Variants in POMT1 observed in about 807,000 individuals in gnomAD.
POMT1 encodes the protein protein O-mannosyl-transferase 1.
POMT1 carries 85 observed loss-of-function variants against 101.6 expected under a neutral mutation model. The observed-to-expected ratio is 0.84, with a 90% confidence interval of 0.70 to 1.00. POMT1 has a LOEUF of 1.00. Ranked by LOEUF, POMT1 falls within the 50% of genes least tolerant of loss-of-function variation. The pLI is 0.00. For synonymous variants in POMT1, 371 were observed against 383.0 expected, an observed-to-expected ratio of 0.97 and a Z score of 0.37; for missense variants, 857 against 930.4, an observed-to-expected ratio of 0.92 and a Z score of 1.03.
In POMT1 at chr9:131,521,426, G is replaced by T; in HGVS notation, c.1779G>T (p.Leu593Phe). The T allele has an allele frequency of 6.2e-7, 1 of 1,614,146 alleles. No individual in the cohort carries two copies. The highest frequency in any genetic ancestry group is 1.1e-5 in the South Asian group (1 of 91,080). Reference sequence around the variant, plus strand: ...TGGCCATCTACGCCCTGCTGTCCTTGTGGTACCTGCTCCGACGGCGAAGAA... The same window carrying T: ...TGGCCATCTACGCCCTGCTGTCCTTTTGGTACCTGCTCCGACGGCGAAGAA... ...LALAIYALLSLWYLLRRRRNV... is the reference protein window; with the variant it reads ...LALAIYALLSFWYLLRRRRNV... The change falls in exon 18 of 20, where the codon TTG (leucine) becomes TTT (phenylalanine). Residue 593 changes from leucine to phenylalanine, a missense_variant. By Grantham distance (22) the Leu-to-Phe change is conservative. Transcript: ENST00000402686.
chr9:131,506,414 G>A lies in POMT1; in HGVS notation c.241G>A (p.Gly81Arg). 1.2e-6 allele frequency: 2 copies of A among 1,613,088 alleles called. No individual in the cohort carries two copies. The highest frequency in any genetic ancestry group is 1.1e-5 in the South Asian group (1 of 91,040). Residue 81 changes from glycine (G) to arginine (R), a missense_variant, in exon 4 of 20, where the codon GGA becomes AGA. Physicochemically the swap from Gly to Arg is moderately radical, Grantham distance 125 (BLOSUM62 -2). Coordinates refer to ENST00000402686, the MANE Select transcript of POMT1 (RefSeq NM_001077365.2). ...MVLALGGYLG[G>R]FDGNFLWNRI... The stretch of plus-strand genomic sequence containing the variant: ...ATCTTCTGTTTCAGGTTATTTAGGA[G>A]GATTCGATGGCAATTTTTTGTGGAA...
chr9:131,505,274 C>T (rs1405323302), intron 2 of POMT1, among the ~76,000 whole-genome samples: 3 of 147,514 alleles, frequency 2.0e-5, no homozygotes, highest in Non-Finnish European at 3.0e-5. Flanking sequence ...GATAATTCAG[C>T]GGTATATCTG....
chr9:131,518,224 A>G (rs1158250483), intron 13 of POMT1: 3 of 655,512 alleles, frequency 4.6e-6, no homozygotes, highest in Non-Finnish European at 8.6e-6. Flanking sequence ...GGCCTTGGCG[A>G]GGAGGAGGGT....
chr9:131,515,361 G>C, intron 12 of POMT1, 65 bp from the exon 13 acceptor site: 1 of 1,514,826 alleles, frequency 6.6e-7, no homozygotes, highest in Non-Finnish European at 9.2e-7. Flanking sequence ...CTGCCTGAAA[G>C]ATTTAGTAAT....
At chr9:131,518,127 C>T in intron 13 of POMT1, 1 of 411,768 alleles carries the variant, frequency 2.4e-6, no homozygotes, top group Non-Finnish European at 4.8e-6. Flanking sequence ...CACTTTTTGG[C>T]CAGGGCTCTG....
rs1406821999 is a variant in POMT1, at chr9:131,509,915, G to A, written c.618G>A (p.Met206Ile). 1 of 1,614,100 alleles carries A rather than the reference G, an allele frequency of 6.2e-7. No homozygotes were observed. Among genetic ancestry groups the A allele is most frequent in the Non-Finnish European group, 8.5e-7 (1 of 1,180,054 alleles). Reference sequence around the variant, plus strand: ...CATGTCTTTGCAGCATCAAGTACATGGGTGTGTTCACGTACGTGCTCGTGC... The same window carrying A: ...CATGTCTTTGCAGCATCAAGTACATAGGTGTGTTCACGTACGTGCTCGTGC... ...ACSCAVGIKYMGVFTYVLVLG... is the reference protein window; with the variant it reads ...ACSCAVGIKYIGVFTYVLVLG... Residue 206 changes from methionine (M) to isoleucine (I), a missense_variant, in exon 8 of 20, where the codon ATG becomes ATA. Coordinates refer to ENST00000402686, the MANE Select transcript of POMT1 (RefSeq NM_001077365.2).
intron 17 of POMT1, chr9:131,521,082 A>G: frequency 4.1e-6 from 2 of 486,622 alleles, no homozygotes; most frequent in Non-Finnish European, 3.8e-6. Flanking sequence ...ACTTCAGGTG[A>G]TCTGCCCACC....
At chr9:131,515,358 A>T in intron 12 of POMT1, 68 bp from the exon 13 acceptor site, 1 of 1,503,404 alleles carries the variant, frequency 6.7e-7, no homozygotes, top group Non-Finnish European at 9.3e-7. Context: ...TTCCTGCCTG[A>T]AAGATTTAGT....
At chr9:131,504,759 G>GTGTT (rs1187437828) in intron 2 of POMT1, among the ~76,000 whole-genome samples, 1 of 133,560 alleles carries the variant, frequency 7.5e-6, no homozygotes, top group Non-Finnish European at 1.6e-5. Context: ...GTGTGTATGT[G>GTGTT]TGTGTGTGTG....
At chr9:131,507,685 T>C (rs1946159170) in intron 5 of POMT1, among the ~76,000 whole-genome samples, 171 bp downstream of exon 5, 1 of 152,180 alleles carries the variant, frequency 6.6e-6, no homozygotes, top group Non-Finnish European at 1.5e-5. Flanking sequence ...GGTTATGGGA[T>C]TGCTGAATTG....
chr9:131,523,739 C>T lies in POMT1; in HGVS notation c.*633C>T, dbSNP rs551969463. On this transcript the variant is annotated 3_prime_UTR_variant, in exon 20 of 20. Coordinates refer to ENST00000402686, the MANE Select transcript of POMT1 (RefSeq NM_001077365.2). ...TTCCTCGTCAGTGGTCAAGGTGTGT[C>T]ATCCATACAGCTCCATGCCTTTGTC... The T allele has an allele frequency of 2.5e-5, 4 of 160,032 alleles. No individual in the cohort carries two copies. Among genetic ancestry groups the T allele is most frequent in the African/African-American group, 9.6e-5 (4 of 41,678 alleles). 9.9% of individuals were successfully genotyped at this position (160,032 alleles called of 1,614,324 possible).
Position 131,522,007 on chromosome 9 carries a change from G to T in POMT1, c.1826-40G>T. 6.2e-7 allele frequency: 1 copy of T among 1,612,664 alleles called. No homozygotes were observed. ...AAAGAGAGAGAAGACCCGGCCTGTG[G>T]GAGCAGCAGAGTCGGTGTAGCTCGA... On this transcript the variant is annotated intron_variant, in intron 18 of 19. Transcript: ENST00000402686. This position sits in a 1 kb window ranked among gnomAD's most constrained non-coding sequence, Gnocchi z 5.5.
chr9:131,519,831 G>A lies in POMT1; in HGVS notation c.1585-249G>A, dbSNP rs777382122. On this transcript the variant is annotated intron_variant, in intron 16 of 19. Coordinates refer to ENST00000402686, the MANE Select transcript of POMT1 (RefSeq NM_001077365.2). This position sits in a 1 kb window ranked among gnomAD's most constrained non-coding sequence, Gnocchi z 4.3. ...TCACAAATCTGAACGTGACCTTAGA[G>A]AGCATTCAGCCCAATCACTTCGTCT... Among the ~76,000 whole-genome samples, 3 of 152,144 alleles carry A rather than the reference G, an allele frequency of 2.0e-5. No individual in the cohort carries two copies. In the East Asian group the frequency reaches 5.8e-4, roughly 29 times the overall value.
chr9:131,521,393 C>T lies in POMT1; in HGVS notation c.1746C>T (p.Ser582=), dbSNP rs376373313. The T allele has an allele frequency of 1.6e-4, 258 of 1,614,068 alleles. No homozygotes were observed. Among genetic ancestry groups the T allele is most frequent in the Non-Finnish European group, 2.1e-4 (252 of 1,180,042 alleles). ...LGNIVIWVSG[S]LALAIYALLS... ...ACATAGTGATCTGGGTTTCGGGCAGCCTCGCTCTGGCCATCTACGCCCTGC... is the reference window on the plus strand; with the variant it reads ...ACATAGTGATCTGGGTTTCGGGCAGTCTCGCTCTGGCCATCTACGCCCTGC... The change falls in exon 18 of 20, where the codon AGC becomes AGT. Residue 582 remains serine (S), a synonymous_variant. Coordinates refer to ENST00000402686, the MANE Select transcript of POMT1 (RefSeq NM_001077365.2).
Position 131,506,007 on chromosome 9 carries a change from C to G in POMT1, c.123-107C>G. 6 of 1,455,168 alleles carry G rather than the reference C, an allele frequency of 4.1e-6. No individual in the cohort carries two copies. The South Asian group carries it at 5.9e-5, about 14-fold the overall frequency. 90.1% of individuals were successfully genotyped at this position (1,455,168 alleles called of 1,614,324 possible). On this transcript the variant is annotated intron_variant, in intron 2 of 19. Transcript: ENST00000402686. ...GGCAAAAGATCCAGCCTTTGCTGAT[C>G]ACTCACTCAAAGTCATTTGGAAACA...
chr9:131,518,025 G>A (rs986733229), intron 13 of POMT1, among the ~76,000 whole-genome samples: 6 of 152,238 alleles, frequency 3.9e-5, no homozygotes, highest in Non-Finnish European at 5.9e-5. Flanking sequence ...TACTCGATGC[G>A]AGGAAATCTC....
chr9:131,507,223 C>A, intron 4 of POMT1, 145 bp from the exon 5 acceptor site: 1 of 1,202,774 alleles, frequency 8.3e-7, no homozygotes. Context: ...AGTTTATGCA[C>A]TCTGCTGCTG....
Position 131,519,082 on chromosome 9 carries a change from A to G in POMT1, c.1486+125A>G, listed in dbSNP as rs1268151710. ...GAGCACATTCTCCATGCTCGGTGGCAGGTCATCTCCCTCCCTGCACCCTGC... is the reference window on the plus strand; with the variant it reads ...GAGCACATTCTCCATGCTCGGTGGCGGGTCATCTCCCTCCCTGCACCCTGC... On this transcript the variant is annotated intron_variant, in intron 15 of 19. Transcript: ENST00000402686. The surrounding 1 kb of genome is among the most constrained non-coding windows in gnomAD (Gnocchi z 4.3). The G allele has an allele frequency of 6.2e-6, 9 of 1,455,592 alleles. No individual in the cohort carries two copies. The highest frequency in any genetic ancestry group is 1.9e-5 in the Admixed American group (1 of 52,074). The allele number at this position is 1,455,592 out of a possible 1,614,324, so 90.2% of individuals were successfully genotyped here. A position where few individuals can be genotyped will look rare whatever the true frequency, so the allele number is the denominator to read the frequency against.
In POMT1 at chr9:131,507,456, G is replaced by T; in HGVS notation, c.369G>T (p.Val123=). The change falls in exon 5 of 20, where the codon GTG becomes GTT. Residue 123 remains valine (V), a synonymous_variant. Coordinates refer to ENST00000402686, the MANE Select transcript of POMT1 (RefSeq NM_001077365.2). ...CGGTCCCCATGGCCTACCAGATAGT[G>T]TTGGAGCTCCACTTTTCTCATTGTG... ...ALSVPMAYQI[V]LELHFSHCAA... is the part of the protein sequence containing the mutation. The T allele has an allele frequency of 6.2e-7, 1 of 1,614,196 alleles. No individual in the cohort carries two copies.
Sources: gnomAD v4.1 joint callset for allele counts (sites outside exome capture counted in the v4.1 genomes callset) on GRCh38, gnomAD v4.1.1 for gene constraint, Gnocchi (gnomAD v3.1) non-coding constraint, MANE v1.5 for transcripts, NCBI Gene and HGNC (gene_info 2026-07-23, HGNC 2026-07-21) for gene names.